The following B3GALT1 variants were observed in gnomAD, a reference collection of about 807,000 sequenced individuals.
B3GALT1 encodes UDP-Gal:betaGlcNAc beta 1,3-galactosyltransferase, polypeptide 1.
Under a neutral mutation model 23.2 loss-of-function variants are expected in B3GALT1, and 10 were observed. That is an observed-to-expected ratio of 0.43 (90% CI 0.27 to 0.73). The LOEUF is 0.73. B3GALT1 is among the 30% of genes least tolerant of loss of function. The pLI is 0.21. For missense variants in B3GALT1, 299 were observed against 405.4 expected (o/e 0.74, Z 2.25); for synonymous variants, 156 against 141.5 (o/e 1.10, Z -0.73).
intron 3 of B3GALT1, among the ~76,000 whole-genome samples, chr2:167,683,777 A>G (rs1003501441): frequency 2.6e-5 from 4 of 152,060 alleles, no homozygotes; most frequent in African/African-American, 9.7e-5. Flanking sequence ...ATCAAAGACA[A>G]TCCAGCTTCT....
intron 4 of B3GALT1, among the ~76,000 whole-genome samples, chr2:167,833,311 G>C (rs1162287575): frequency 6.6e-6 from 1 of 152,146 alleles, no homozygotes; most frequent in Non-Finnish European, 1.5e-5. Flanking sequence ...CAGCTCGGAG[G>C]CTTAGCTGTA....
chr2:167,704,194 A>AG (rs1272667954), intron 3 of B3GALT1, among the ~76,000 whole-genome samples: 1 of 151,392 alleles, frequency 6.6e-6, no homozygotes, highest in East Asian at 1.9e-4. Context: ...AAAAAAAAAA[A>AG]AAAAAAAAGG....
intron 1 of B3GALT1, among the ~76,000 whole-genome samples, chr2:167,462,219 A>G (rs1362633733): frequency 1.3e-5 from 2 of 152,152 alleles, no homozygotes; most frequent in African/African-American, 4.8e-5. Context: ...TTAATTTAGA[A>G]TTATATAATT....
At chr2:167,364,387 G>A (rs2105265133) in intron 1 of B3GALT1, among the ~76,000 whole-genome samples, 1 of 150,098 alleles carries the variant, frequency 6.7e-6, no homozygotes, top group Non-Finnish European at 1.5e-5. Flanking sequence ...GGGTACATGT[G>A]CACAACGTGC....
chr2:167,834,450 A>C (rs1258772208), intron 4 of B3GALT1, among the ~76,000 whole-genome samples: 1 of 152,190 alleles, frequency 6.6e-6, no homozygotes, highest in Non-Finnish European at 1.5e-5. Context: ...CTTGAAAGCC[A>C]TTGTGGTCTC....
At chr2:167,615,755 T>C (rs142931759) in intron 2 of B3GALT1, among the ~76,000 whole-genome samples, 1 of 152,246 alleles carries the variant, frequency 6.6e-6, no homozygotes, top group East Asian at 1.9e-4. Context: ...ATGTAGTGTT[T>C]AGCACGTGTC....
chr2:167,333,657 AT>A (rs1697011209), intron 1 of B3GALT1, among the ~76,000 whole-genome samples: 2 of 152,106 alleles, frequency 1.3e-5, no homozygotes. Context: ...AAGTAACAGG[AT>A]AAAGCATCTC....
intron 2 of B3GALT1, among the ~76,000 whole-genome samples, chr2:167,518,509 A>G (rs1700136174): frequency 6.6e-6 from 1 of 152,200 alleles, no homozygotes; most frequent in South Asian, 2.1e-4. Flanking sequence ...GTAATACTGA[A>G]TACTGAATAT....
At chr2:167,656,331 T>C (rs1462832100) in intron 3 of B3GALT1, among the ~76,000 whole-genome samples, 1 of 152,154 alleles carries the variant, frequency 6.6e-6, no homozygotes, top group African/African-American at 2.4e-5. Flanking sequence ...AATAGATCCA[T>C]GGAAACTTGA....
At chr2:167,782,240 G>A (rs1047099438) in intron 3 of B3GALT1, among the ~76,000 whole-genome samples, 4 of 152,204 alleles carry the variant, frequency 2.6e-5, no homozygotes, top group Non-Finnish European at 4.4e-5. Flanking sequence ...CACCCACAGA[G>A]CAGGTGAATG....
chr2:167,468,658 G>C (rs544901411), intron 1 of B3GALT1, among the ~76,000 whole-genome samples: 1 of 152,274 alleles, frequency 6.6e-6, no homozygotes, highest in South Asian at 2.1e-4. Flanking sequence ...GATCACCTGA[G>C]GTCAGGCGTT....
At chr2:167,684,649 T>C (rs761719057) in intron 3 of B3GALT1, among the ~76,000 whole-genome samples, 5 of 152,242 alleles carry the variant, frequency 3.3e-5, no homozygotes, top group Non-Finnish European at 7.3e-5. Flanking sequence ...GTTTTTATGG[T>C]GATATTTTGT....
intron 1 of B3GALT1, among the ~76,000 whole-genome samples, chr2:167,396,343 T>G (rs1196725081): frequency 6.6e-6 from 1 of 152,030 alleles, no homozygotes; most frequent in Non-Finnish European, 1.5e-5. Context: ...CTTCCTGTTT[T>G]GCTGTCCTCT....
intron 1 of B3GALT1, among the ~76,000 whole-genome samples, chr2:167,486,806 A>C (rs530869374): frequency 6.6e-6 from 1 of 152,310 alleles, no homozygotes; most frequent in East Asian, 1.9e-4. Flanking sequence ...CACTGGCCAA[A>C]AGAAAGAATA....
intron 3 of B3GALT1, among the ~76,000 whole-genome samples, chr2:167,678,143 A>T (rs1020631964): frequency 1.3e-5 from 2 of 152,080 alleles, no homozygotes; most frequent in Non-Finnish European, 2.9e-5. Flanking sequence ...GCTCTCTGGG[A>T]TGTTTTCCTT....
chr2:167,365,530 T>C (rs1312870363), intron 1 of B3GALT1, among the ~76,000 whole-genome samples: 2 of 151,534 alleles, frequency 1.3e-5, no homozygotes, highest in Non-Finnish European at 2.9e-5. Context: ...AAACAGAAGA[T>C]ATAAGAAGAT....
At chr2:167,378,567 C>T (rs932403376) in intron 1 of B3GALT1, among the ~76,000 whole-genome samples, 4 of 151,816 alleles carry the variant, frequency 2.6e-5, no homozygotes, top group Non-Finnish European at 5.9e-5. Context: ...ATTCAAAAGA[C>T]TTGTCTTCAG....
intron 3 of B3GALT1, among the ~76,000 whole-genome samples, chr2:167,674,404 C>T (rs1225878791): frequency 6.6e-6 from 1 of 151,986 alleles, no homozygotes; most frequent in African/African-American, 2.4e-5. Flanking sequence ...ATAAATGTCC[C>T]AATTTGTTTC....
chr2:167,821,404 C>T lies in B3GALT1; in HGVS notation c.-230+2611C>T, dbSNP rs192004607. On this transcript the variant is annotated intron_variant, in intron 4 of 4. Transcript: ENST00000392690. ...TGGAAGAAAAGAAGAGCTGAGTCAGCCCTCATGAGATTTGACAAGGAAGGT... is the reference window on the plus strand; with the variant it reads ...TGGAAGAAAAGAAGAGCTGAGTCAGTCCTCATGAGATTTGACAAGGAAGGT... Among the ~76,000 whole-genome samples the T allele has an allele frequency of 1.1e-3, 172 of 150,982 alleles. 4 individuals are homozygous for T. The highest frequency in any genetic ancestry group is 0.011 in the Admixed American group (169 of 15,136).
Sources: gnomAD v4.1 joint callset for allele counts (sites outside exome capture counted in the v4.1 genomes callset) on GRCh38, gnomAD v4.1.1 for gene constraint, MANE v1.5 for transcripts, NCBI Gene and HGNC (gene_info 2026-07-23, HGNC 2026-07-21) for gene names.